CHD1: variants seen among roughly 807,000 people sequenced by gnomAD.
CHD1 encodes the protein chromodomain helicase DNA binding protein 1, also known as ATP-dependent chromatin remodeler CHD1.
A neutral mutation model predicts 224.2 loss-of-function variants in CHD1; 36 were observed. That is an observed-to-expected ratio of 0.16 (90% CI 0.12 to 0.21). The LOEUF (loss-of-function observed/expected upper bound fraction) is 0.21. Among genes scored for constraint, CHD1 ranks in the 10% least tolerant of loss-of-function variants. The probability of loss-of-function intolerance (pLI) is 1.00; values close to 1 mark genes in which losing one functional copy is unlikely to be tolerated. For missense variants in CHD1, 1,378 were observed against 1,994.8 expected, an observed-to-expected ratio of 0.69 and a Z score of 5.89; for synonymous variants, 668 against 658.3, an observed-to-expected ratio of 1.01 and a Z score of -0.23.
chr5:98,892,300 ATG>A (rs993233486), intron 15 of CHD1, among the ~76,000 whole-genome samples: 5 of 152,208 alleles, frequency 3.3e-5, no homozygotes, highest in Non-Finnish European at 7.3e-5. Flanking sequence ...GCAATTAATT[ATG>A]TGTCAGAAGA....
chr5:98,902,741 T>G (rs1225659240), intron 5 of CHD1, among the ~76,000 whole-genome samples, 159 bp downstream of exon 5: 7 of 152,104 alleles, frequency 4.6e-5, no homozygotes, highest in East Asian at 1.9e-4. Context: ...GTTAAAGATT[T>G]ATCTTTAAAT....
chr5:98,902,861 T>C (rs908468018), intron 5 of CHD1, 39 bp downstream of exon 5: 20 of 1,292,012 alleles, frequency 1.5e-5, no homozygotes, highest in Non-Finnish European at 2.2e-5. Flanking sequence ...AATCAGGATT[T>C]TTCTAAAATG....
chr5:98,864,423 TA>T (rs1748700367), intron 31 of CHD1, among the ~76,000 whole-genome samples: 1 of 145,936 alleles, frequency 6.9e-6, no homozygotes, highest in Non-Finnish European at 1.5e-5. Context: ...CTCAGGCCTG[TA>T]ACCCCAGCAC....
At chr5:98,888,267 TGTTA>T (rs1182697807) in intron 16 of CHD1, 27 bp from the exon 17 acceptor site, 1 of 1,561,614 alleles carries the variant, frequency 6.4e-7, no homozygotes, top group African/African-American at 1.4e-5. Flanking sequence ...AGTTGTTATA[TGTTA>T]AAAGACATAA....
At chr5:98,897,429 T>C (rs1751416123) in intron 10 of CHD1, 109 bp from the exon 11 acceptor site, 2 of 757,572 alleles carry the variant, frequency 2.6e-6, no homozygotes, top group Non-Finnish European at 2.1e-6. Context: ...TCTCTAATCA[T>C]CAAGCTCAGA....
At chr5:98,875,658 T>C (rs938487329) in intron 24 of CHD1, among the ~76,000 whole-genome samples, 3 of 152,178 alleles carry the variant, frequency 2.0e-5, no homozygotes, top group Admixed American at 6.5e-5. Context: ...ATTCAGGTGG[T>C]CATGAAAGTG....
chr5:98,914,073 A>G (rs999770928), intron 2 of CHD1, among the ~76,000 whole-genome samples: 1 of 152,196 alleles, frequency 6.6e-6, no homozygotes, highest in African/African-American at 2.4e-5. Context: ...TACCTTTCTC[A>G]GCATCTTCTA....
intron 3 of CHD1, 67 bp from the exon 4 acceptor site, chr5:98,903,975 T>C: frequency 1.1e-6 from 1 of 946,012 alleles, no homozygotes; most frequent in Non-Finnish European, 1.6e-6. Context: ...GGTTAATTTA[T>C]TGAAAAACTA....
At chr5:98,911,146 A>AAAAATATATATATATAT (rs1491111295) in intron 2 of CHD1, among the ~76,000 whole-genome samples, 1 of 39,128 alleles carries the variant, frequency 2.6e-5, no homozygotes, top group African/African-American at 1.2e-4. Flanking sequence ...AAAAAAAAAA[A>AAAAATATATATATATAT]ATATATATAT....
At chr5:98,881,913 CAT>C in intron 20 of CHD1, 60 bp downstream of exon 20, 5 of 1,389,646 alleles carry the variant, frequency 3.6e-6, no homozygotes, top group East Asian at 2.3e-5. Flanking sequence ...AGTGATGTAA[CAT>C]ATCAAAAATA....
At chr5:98,895,529 G>A (rs921622161) in intron 12 of CHD1, among the ~76,000 whole-genome samples, 1 of 152,076 alleles carries the variant, frequency 6.6e-6, no homozygotes, top group Non-Finnish European at 1.5e-5. Context: ...AAGGCAGGTG[G>A]ATCACTTGAG....
intron 30 of CHD1, chr5:98,869,193 T>C: frequency 1.0e-6 from 1 of 976,332 alleles, no homozygotes; most frequent in Non-Finnish European, 1.2e-6. Flanking sequence ...TCCTTCTTTA[T>C]ATAAACATCT....
chr5:98,905,027 C>G lies in CHD1; in HGVS notation c.125G>C (p.Gly42Ala). 1.3e-6 allele frequency: 2 copies of G among 1,569,724 alleles called. No individual in the cohort carries two copies. Among genetic ancestry groups the G allele is most frequent in the South Asian group, 1.1e-5 (1 of 90,240 alleles). The change falls in exon 3 of 36, where the codon GGA (glycine) becomes GCA (alanine). Residue 42 changes from glycine to alanine, a missense_variant. Transcript: ENST00000614616. ...SGSSSGSSSD[G>A]SSSQSGSSDS... The stretch of plus-strand genomic sequence containing the variant: ...ACTGCTACCTGACTGGCTACTGCTT[C>G]CATCACTACTGCTTCCAGAACTCGA...
chr5:98,904,007 A>G, intron 3 of CHD1, 99 bp from the exon 4 acceptor site: 2 of 678,234 alleles, frequency 2.9e-6, no homozygotes, highest in African/African-American at 1.8e-5. Flanking sequence ...TTACTGCCTC[A>G]AAGTAATAAA....
In CHD1 at chr5:98,901,069, T is replaced by C. The variant is rs1288764961; in HGVS notation, c.601A>G (p.Asn201Asp). The C allele has an allele frequency of 6.3e-7, 1 of 1,593,348 alleles. No individual in the cohort carries two copies. The highest frequency in any genetic ancestry group is 8.5e-7 in the Non-Finnish European group (1 of 1,173,108). The change falls in exon 7 of 36, where the codon AAT (asparagine) becomes GAT (aspartate). Residue 201 changes from asparagine (N) to aspartate (D), a missense_variant. By Grantham distance (23) the Asn-to-Asp change is conservative. Transcript: ENST00000614616. ...TTTTGTCCAAGAATCTTCTTTCCAT[T>C]TTTTGACTTAGATCTAGGAAAGTGC... ...RKPQNRSKSKNGKKILGQKKR... is the reference protein window; with the variant it reads ...RKPQNRSKSKDGKKILGQKKR...
At chr5:98,898,574 G>T in intron 9 of CHD1, 90 bp downstream of exon 9, 1 of 1,204,220 alleles carries the variant, frequency 8.3e-7, no homozygotes, top group Non-Finnish European at 1.2e-6. Context: ...GCAAGCTACT[G>T]TGTTTGATAT....
rs980017542 is a variant in CHD1, at chr5:98,898,530, T to G, written c.1187-96A>C. On this transcript the variant is annotated intron_variant, in intron 9 of 35. Coordinates refer to ENST00000614616, the MANE Select transcript of CHD1 (RefSeq NM_001270.4). ...TAGTAAAGGCTACACAAGTAAAATT[T>G]AGCTATCTAGTTTACAATACTGTTT... 84 of 1,261,650 alleles carry G rather than the reference T, an allele frequency of 6.7e-5. No homozygotes were observed. In the African/African-American group the frequency reaches 1.0e-3, roughly 16 times the overall value. The allele number at this position is 1,261,650 out of a possible 1,614,324, so 78.2% of individuals were successfully genotyped here. A position where few individuals can be genotyped will look rare whatever the true frequency, so the allele number is the denominator to read the frequency against.
intron 24 of CHD1, 51 bp downstream of exon 24, chr5:98,876,347 T>C (rs1344920775): frequency 6.5e-7 from 1 of 1,546,734 alleles, no homozygotes; most frequent in African/African-American, 1.4e-5. Context: ...TACATTTTAG[T>C]TTCACACTCT....
intron 15 of CHD1, chr5:98,889,837 T>G (rs1228873142): frequency 1.3e-5 from 2 of 152,134 alleles, no homozygotes; most frequent in Non-Finnish European, 2.9e-5. Context: ...TATTTTTGTA[T>G]ATATATCCCA....
Sources: gnomAD v4.1 joint callset for allele counts (sites outside exome capture counted in the v4.1 genomes callset) on GRCh38, gnomAD v4.1.1 for gene constraint, MANE v1.5 for transcripts, NCBI Gene and HGNC (gene_info 2026-07-23, HGNC 2026-07-21) for gene names.